TTC12: variants seen among roughly 807,000 people sequenced by gnomAD.
TTC12 encodes the protein tetratricopeptide repeat protein 12.
A neutral mutation model predicts 90.1 loss-of-function variants in TTC12; 70 were observed. The ratio of observed to expected loss-of-function variants is 0.78; its 90% CI spans 0.64 to 0.95. The LOEUF is 0.95. Ranked by LOEUF, TTC12 falls within the 40% of genes least tolerant of loss-of-function variation. The pLI is 0.00. For missense variants in TTC12, 819 were observed against 846.1 expected, an observed-to-expected ratio of 0.97 and a Z score of 0.40; for synonymous variants, 296 against 311.5, an observed-to-expected ratio of 0.95 and a Z score of 0.53.
Position 113,350,088 on chromosome 11 carries a change from G to C in TTC12, c.1170G>C (p.Leu390=). Residue 390 remains leucine, a synonymous_variant, in exon 14 of 22, where the codon CTG becomes CTC. Coordinates refer to ENST00000529221, the MANE Select transcript of TTC12 (RefSeq NM_017868.4). ...TTTTTTGCAGATTATTGGAAGCGCT[G>C]GTGTCATTTCTTGATTTCTCGGATA... is the stretch of plus-strand genomic sequence containing the variant. ...HLDLTRLLEA[L]VSFLDFSDKE... is the part of the protein sequence containing the mutation. The C allele has an allele frequency of 6.2e-7, 1 of 1,613,716 alleles. No individual in the cohort carries two copies. Among genetic ancestry groups the C allele is most frequent in the Non-Finnish European group, 8.5e-7 (1 of 1,179,720 alleles).
chr11:113,314,828 C>T (rs782739029), intron 1 of TTC12: 6 of 127,326 alleles, frequency 4.7e-5, no homozygotes, highest in Non-Finnish European at 1.0e-4. Context: ...GCGGCCTGGC[C>T]TCTTTGCGCC....
At chr11:113,358,959 G>A (rs1949770630) in intron 16 of TTC12, among the ~76,000 whole-genome samples, 1 of 151,874 alleles carries the variant, frequency 6.6e-6, no homozygotes, top group African/African-American at 2.4e-5. Context: ...TACTCTCAGT[G>A]CCTTCCCTTT....
chr11:113,359,429 A>G lies in TTC12; in HGVS notation c.1513A>G (p.Asn505Asp), dbSNP rs1555153839. Reference protein sequence around the residue: ...VIYTLLGLMMNLCLQAPFVSE... With the variant: ...VIYTLLGLMMDLCLQAPFVSE... ...CTACACACTCCTGGGACTCATGATG[A>G]ACCTGTGTCTTCAGGCTCCCTTTGT... is the stretch of plus-strand genomic sequence containing the variant. The change falls in exon 17 of 22, where the codon AAC (asparagine) becomes GAC (aspartate). Residue 505 changes from asparagine to aspartate, a missense_variant. Transcript: ENST00000529221. The G allele has an allele frequency of 3.7e-6, 6 of 1,613,506 alleles. No individual in the cohort carries two copies. The Admixed American group carries it at 1.0e-4, about 27-fold the overall frequency.
At chr11:113,351,881 A>T (rs782034899) in intron 15 of TTC12, among the ~76,000 whole-genome samples, 189 bp from the exon 16 acceptor site, 1 of 152,246 alleles carries the variant, frequency 6.6e-6, no homozygotes, top group Non-Finnish European at 1.5e-5. Context: ...CCCTAGGCCA[A>T]GACCCTTTTG....
At chr11:113,336,573 G>A (rs1435046821) in intron 8 of TTC12, among the ~76,000 whole-genome samples, 5 of 152,138 alleles carry the variant, frequency 3.3e-5, no homozygotes, top group African/African-American at 1.2e-4. Context: ...TGTGAGGTAA[G>A]GGTTCAACTT....
chr11:113,361,707 A>G (rs1949938304), intron 18 of TTC12, among the ~76,000 whole-genome samples: 1 of 152,196 alleles, frequency 6.6e-6, no homozygotes, highest in Admixed American at 6.5e-5. Context: ...AACTTCCCAT[A>G]AACATAGCAT....
In TTC12 at chr11:113,339,442, G is replaced by T; in HGVS notation, c.794G>T (p.Gly265Val). ...PDQIPLFYAG[G>V]IEILTEMINE... ...CAGATCCCCTTGTTCTATGCTGGGGGGATTGAGATCCTGACTGAAATGATA... is the reference window on the plus strand; with the variant it reads ...CAGATCCCCTTGTTCTATGCTGGGGTGATTGAGATCCTGACTGAAATGATA... Residue 265 changes from glycine to valine, a missense_variant, in exon 10 of 22, where the codon GGG (glycine) becomes GTG (valine). Transcript: ENST00000529221. 2 of 1,610,740 alleles carry T rather than the reference G, an allele frequency of 1.2e-6. No homozygotes were observed. Among genetic ancestry groups the T allele is most frequent in the Non-Finnish European group, 1.7e-6 (2 of 1,178,698 alleles).
At chr11:113,325,744 GT>G in intron 6 of TTC12, 99 bp downstream of exon 6, 1 of 1,497,944 alleles carries the variant, frequency 6.7e-7, no homozygotes, top group Middle Eastern at 1.9e-4. Context: ...GCTGGGAAAT[GT>G]TTATAAGAAC....
At chr11:113,333,255 C>T (rs1948163242) in intron 7 of TTC12, among the ~76,000 whole-genome samples, 1 of 152,088 alleles carries the variant, frequency 6.6e-6, no homozygotes, top group Admixed American at 6.6e-5. Flanking sequence ...CCCAGCTGGA[C>T]CGTCCCCGGA....
At chr11:113,367,482 G>A (rs1950252260), downstream of TTC12, among the ~76,000 whole-genome samples, 1 of 152,186 alleles carries the variant, frequency 6.6e-6, no homozygotes, top group Admixed American at 6.5e-5. Flanking sequence ...TGAGATTGAG[G>A]GTGTCAACTA....
intron 5 of TTC12, among the ~76,000 whole-genome samples, chr11:113,325,278 A>G (rs1555140539): frequency 6.6e-6 from 1 of 152,186 alleles, no homozygotes; most frequent in Non-Finnish European, 1.5e-5. Context: ...TATGGTTCTC[A>G]GCCTCAATGC....
intron 16 of TTC12, 121 bp from the exon 17 acceptor site, chr11:113,359,242 G>A (rs1591195535): frequency 1.5e-6 from 1 of 651,080 alleles, no homozygotes; most frequent in Admixed American, 2.4e-5. Flanking sequence ...CATCATTTAG[G>A]TTCATGACAT....
intron 15 of TTC12, 126 bp downstream of exon 15, chr11:113,351,425 C>T (rs1392035200): frequency 1.6e-5 from 13 of 799,896 alleles, no homozygotes; most frequent in Non-Finnish European, 2.7e-5. Flanking sequence ...TTATTCACAG[C>T]TGGAATTTAC....
At chr11:113,359,837 T>C in intron 17 of TTC12, 103 bp from the exon 18 acceptor site, 1 of 828,636 alleles carries the variant, frequency 1.2e-6, no homozygotes, top group Non-Finnish European at 2.0e-6. Flanking sequence ...CTGGGCATAG[T>C]GTGGTGGTGC....
At chr11:113,353,845 A>C (rs186524300) in intron 16 of TTC12, among the ~76,000 whole-genome samples, 2 of 152,144 alleles carry the variant, frequency 1.3e-5, no homozygotes, top group African/African-American at 4.8e-5. Flanking sequence ...TACCAGTACC[A>C]TGTGTTTTGG....
chr11:113,344,230 C>T (rs2138008491), intron 12 of TTC12, 42 bp from the exon 13 acceptor site: 3 of 1,574,832 alleles, frequency 1.9e-6, no homozygotes, highest in East Asian at 4.5e-5. Flanking sequence ...GTTTAATTGC[C>T]ATGATGGCAT....
chr11:113,328,139 G>T (rs1591534324), intron 6 of TTC12, among the ~76,000 whole-genome samples: 2 of 152,110 alleles, frequency 1.3e-5, no homozygotes, highest in Admixed American at 1.3e-4. Context: ...TTTATTATTG[G>T]TTGCTGATGG....
At chr11:113,345,922 GC>G (rs1297030779) in intron 13 of TTC12, among the ~76,000 whole-genome samples, 1 of 149,136 alleles carries the variant, frequency 6.7e-6, no homozygotes, top group Non-Finnish European at 1.5e-5. Flanking sequence ...GGGTGGTCCT[GC>G]CTACTCTCTC....
Position 113,314,637 on chromosome 11 carries a change from C to T in TTC12, c.-16+19C>T, listed in dbSNP as rs1946801554. ...GAATCAGGTCGGTGCCGCGGGGTACCCCGGAATCCCCCCTGGGAGCTGGTC... is the reference window on the plus strand; with the variant it reads ...GAATCAGGTCGGTGCCGCGGGGTACTCCGGAATCCCCCCTGGGAGCTGGTC... On this transcript the variant is annotated intron_variant, in intron 1 of 21. Transcript: ENST00000529221. 2 of 152,850 alleles carry T rather than the reference C, an allele frequency of 1.3e-5. No homozygotes were observed. Among genetic ancestry groups the T allele is most frequent in the Non-Finnish European group, 2.9e-5 (2 of 68,562 alleles). 9.5% of individuals were successfully genotyped at this position (152,850 alleles called of 1,614,324 possible). A position where few individuals can be genotyped will look rare whatever the true frequency, so the allele number is the denominator to read the frequency against.
Sources: gnomAD v4.1 joint callset for allele counts (sites outside exome capture counted in the v4.1 genomes callset) on GRCh38, gnomAD v4.1.1 for gene constraint, MANE v1.5 for transcripts, NCBI Gene and HGNC (gene_info 2026-07-23, HGNC 2026-07-21) for gene names.